The following C17orf75 variants were observed in gnomAD, a reference collection of about 807,000 sequenced individuals.
The protein encoded by C17orf75 is chromosome 17 open reading frame 75, also known as protein Njmu-R1.
A neutral mutation model predicts 49.6 loss-of-function variants in C17orf75; 32 were observed. The ratio of observed to expected loss-of-function variants is 0.65; its 90% CI spans 0.49 to 0.87. The LOEUF (loss-of-function observed/expected upper bound fraction) is 0.87. Among genes scored for constraint, C17orf75 ranks in the 40% least tolerant of loss-of-function variants. The pLI is 0.00. For synonymous variants in C17orf75, 158 were observed against 159.5 expected, an observed-to-expected ratio of 0.99 and a Z score of 0.07; for missense variants, 428 against 473.9, an observed-to-expected ratio of 0.90 and a Z score of 0.90.
upstream of C17orf75, among the ~76,000 whole-genome samples, chr17:32,345,416 C>T (rs573298607): frequency 6.6e-6 from 1 of 152,222 alleles, no homozygotes; most frequent in East Asian, 1.9e-4. Flanking sequence ...GCAGAGGTTG[C>T]AGTGAGCCAA....
chr17:32,337,349 G>C (rs1392167069), intron 5 of C17orf75, among the ~76,000 whole-genome samples: 2 of 151,922 alleles, frequency 1.3e-5, no homozygotes, highest in Non-Finnish European at 2.9e-5. Context: ...TGTAGTCCCA[G>C]CTGTTTAGGA....
At chr17:32,346,542 G>T (rs1054328371), upstream of C17orf75, among the ~76,000 whole-genome samples, 1 of 152,040 alleles carries the variant, frequency 6.6e-6, no homozygotes. Context: ...ATGGGCTAGC[G>T]CACCAGGCCT....
intron 5 of C17orf75, among the ~76,000 whole-genome samples, chr17:32,335,947 C>T (rs1275868031): frequency 6.6e-6 from 1 of 152,196 alleles, no homozygotes; most frequent in Non-Finnish European, 1.5e-5. Flanking sequence ...AAGCACTCCA[C>T]TCCACTCCAG....
upstream of C17orf75, among the ~76,000 whole-genome samples, chr17:32,346,550 C>A (rs546836500): frequency 1.3e-5 from 2 of 152,178 alleles, no homozygotes; most frequent in South Asian, 2.1e-4. Flanking sequence ...GCGCACCAGG[C>A]CTTCTTTAAT....
At chr17:32,348,806 G>A (rs931306301) in intron 1 of C17orf75, among the ~76,000 whole-genome samples, 2 of 150,798 alleles carry the variant, frequency 1.3e-5, no homozygotes, top group Non-Finnish European at 2.9e-5. Flanking sequence ...GCCAGAACCC[G>A]CCTTTGCTAG....
At chr17:32,339,742 T>C in intron 3 of C17orf75, 71 bp downstream of exon 3, 3 of 1,577,276 alleles carry the variant, frequency 1.9e-6, no homozygotes, top group East Asian at 4.5e-5. Flanking sequence ...GCTGATCTTT[T>C]GGAGTTTCTC....
At chr17:32,339,145 T>C (rs1343411647) in intron 3 of C17orf75, among the ~76,000 whole-genome samples, 2 of 151,732 alleles carry the variant, frequency 1.3e-5, no homozygotes, top group Non-Finnish European at 2.9e-5. Context: ...ACAGTTGGAA[T>C]TGGACTAAGA....
At chr17:32,339,697 A>C in intron 3 of C17orf75, 116 bp downstream of exon 3, 2 of 1,399,668 alleles carry the variant, frequency 1.4e-6, no homozygotes, top group Admixed American at 2.2e-5. Context: ...TCGGGCTGCC[A>C]GAGAATAAAG....
chr17:32,341,034 G>T, intron 2 of C17orf75, 170 bp downstream of exon 2: 1 of 683,468 alleles, frequency 1.5e-6, no homozygotes, highest in East Asian at 2.6e-5. Context: ...CCCCAGCCTT[G>T]AATGAACCAG....
Position 32,339,852 on chromosome 17 carries a change from A to G in C17orf75, c.308T>C (p.Val103Ala). Residue 103 changes from valine (V) to alanine (A), a missense_variant, in exon 3 of 10, where the codon GTC (valine) becomes GCC (alanine). Val to Ala is a moderately conservative substitution (Grantham distance 64, BLOSUM62 0). Coordinates refer to ENST00000577809, the MANE Select transcript of C17orf75 (RefSeq NM_022344.4). ...FIAKRLSRGA[V>A]FEGLGNVASV... ...TGCAACATTACCCAGCCCTTCAAAG[A>G]CTGCACCTCTTGAAAGACGCTTAGC... is the stretch of plus-strand genomic sequence containing the variant. 6.2e-7 allele frequency: 1 copy of G among 1,614,026 alleles called. No individual in the cohort carries two copies.
At position 32,329,070 on chromosome 17, in the gene C17orf75, T is replaced by A. The variant is rs953437580; in HGVS notation, c.*2693A>T. 7.1e-6 allele frequency: 1 copy of A among 141,754 alleles called. No homozygotes were observed. The highest frequency in any genetic ancestry group is 1.5e-5 in the Non-Finnish European group (1 of 65,100). 8.8% of individuals were successfully genotyped at this position (141,754 alleles called of 1,614,324 possible). A position where few individuals can be genotyped will look rare whatever the true frequency, so the allele number is the denominator to read the frequency against. ...AGTAGTGATACAGAGTTTGTCAGAC[T>A]TTTTTTTTTTTTTTGAGACGGAGTC... On this transcript the variant is annotated 3_prime_UTR_variant, in exon 10 of 10. Transcript: ENST00000577809.
At chr17:32,332,025 T>C (rs762304489) in intron 9 of C17orf75, 47 bp from the exon 10 acceptor site, 8 of 1,490,170 alleles carry the variant, frequency 5.4e-6, no homozygotes, top group East Asian at 2.3e-5. Context: ...GAAATAATAA[T>C]GAAGCTCAAA....
chr17:32,344,419 C>T (rs893284947), upstream of C17orf75, among the ~76,000 whole-genome samples: 3 of 151,400 alleles, frequency 2.0e-5, no homozygotes, highest in African/African-American at 7.3e-5. Flanking sequence ...AGATCGAGAC[C>T]ATCCTGGCTA....
intron 9 of C17orf75, 112 bp from the exon 10 acceptor site, chr17:32,332,090 T>C (rs1028773283): frequency 1.1e-6 from 1 of 877,760 alleles, no homozygotes; most frequent in Non-Finnish European, 1.7e-6. Context: ...TGTTTGCTTT[T>C]CATATTAAAT....
intron 5 of C17orf75, among the ~76,000 whole-genome samples, chr17:32,336,779 T>C (rs187247693): frequency 1.4e-4 from 22 of 152,278 alleles, no homozygotes; most frequent in Admixed American, 1.2e-3. Context: ...GAATTTTTCA[T>C]AGATACAAAA....
Position 32,339,824 on chromosome 17 carries a change from A to G in C17orf75, c.336T>C (p.Ser112=). 1.9e-6 allele frequency: 3 copies of G among 1,613,992 alleles called. No individual in the cohort carries two copies. The highest frequency in any genetic ancestry group is 2.5e-6 in the Non-Finnish European group (3 of 1,179,882). Residue 112 remains serine (S), a synonymous_variant, in exon 3 of 10, where the codon TCT becomes TCC. Transcript: ENST00000577809. ...CATTTTGCACTTACTTTAGCTCCAC[A>G]GATGCAACATTACCCAGCCCTTCAA... is the stretch of plus-strand genomic sequence containing the variant. The part of the protein sequence containing the change: ...AVFEGLGNVA[S]VELKIPGYRV...
At chr17:32,339,962 T>A in intron 2 of C17orf75, 24 bp from the exon 3 acceptor site, 2 of 1,613,080 alleles carry the variant, frequency 1.2e-6, no homozygotes, top group Non-Finnish European at 8.5e-7. Flanking sequence ...AGACACACAT[T>A]CTTTACCAGT....
chr17:32,338,260 G>T lies in C17orf75; in HGVS notation c.439C>A (p.Pro147Thr), dbSNP rs747106622. The change falls in exon 4 of 10, where the codon CCT becomes ACT. Residue 147 changes from proline (P) to threonine (T), a missense_variant. Pro to Thr is a conservative substitution (Grantham distance 38). Transcript: ENST00000577809. ...AAAAAACAGACCACATATTCTGAAGGGTTACGTTCAGAGTCTATCGTTACT... is the reference window on the plus strand; with the variant it reads ...AAAAAACAGACCACATATTCTGAAGTGTTACGTTCAGAGTCTATCGTTACT... ...ETVTIDSERN[P>T]SEYVVCFLGG... 1 of 1,613,052 alleles carries T rather than the reference G, an allele frequency of 6.2e-7. No homozygotes were observed. The highest frequency in any genetic ancestry group is 2.2e-5 in the East Asian group (1 of 44,852).
chr17:32,343,713 C>G (rs2041402323), upstream of C17orf75: 5 of 590,806 alleles, frequency 8.5e-6, no homozygotes, highest in Non-Finnish European at 1.5e-5. Flanking sequence ...ACCTCTATCT[C>G]CCATTCAGTA....
Sources: allele counts gnomAD v4.1 joint callset (sites outside exome capture counted in the v4.1 genomes callset), GRCh38; gene constraint gnomAD v4.1.1; transcripts MANE v1.5; gene names NCBI Gene and HGNC (gene_info 2026-07-23, HGNC 2026-07-21).